NSF: variants seen among roughly 807,000 people sequenced by gnomAD.
The protein encoded by NSF is vesicle-fusing ATPase.
A neutral mutation model predicts 50.3 loss-of-function variants in NSF; 14 were observed. That is an observed-to-expected ratio of 0.28 (90% CI 0.18 to 0.44). NSF has a LOEUF of 0.44. NSF is among the 20% of genes least tolerant of loss of function. The probability of loss-of-function intolerance (pLI) is 1.00; values close to 1 mark genes in which losing one functional copy is unlikely to be tolerated. For synonymous variants in NSF, 109 were observed against 175.7 expected, an observed-to-expected ratio of 0.62 and a Z score of 3.00; for missense variants, 218 against 504.3, an observed-to-expected ratio of 0.43 and a Z score of 5.44.
intron 17 of NSF, among the ~76,000 whole-genome samples, chr17:46,730,075 G>A (rs776459007): frequency 4.6e-5 from 7 of 151,916 alleles, no homozygotes; most frequent in Non-Finnish European, 8.8e-5. Context: ...GTAAGTAAAC[G>A]TATATATCTA....
rs1245080076 is a variant in NSF, at chr17:46,713,843, C to T, written c.1628-10C>T. 1 of 1,607,894 alleles carries T rather than the reference C, an allele frequency of 6.2e-7. No homozygotes were observed. The highest frequency in any genetic ancestry group is 8.5e-7 in the Non-Finnish European group (1 of 1,178,528). On this transcript the variant is annotated splice_polypyrimidine_tract_variant and intron_variant, in intron 14 of 20. Transcript: ENST00000398238. Reference sequence around the variant, plus strand: ...CTTTTTTCCCCTGACTTGCTCATATCTTTATGCAGGCCCTCCTCACAGTGG... The same window carrying T: ...CTTTTTTCCCCTGACTTGCTCATATTTTTATGCAGGCCCTCCTCACAGTGG...
At chr17:46,710,775 G>GC (rs1327606031) in intron 13 of NSF, among the ~76,000 whole-genome samples, 188 bp from the exon 14 acceptor site, 1 of 152,016 alleles carries the variant, frequency 6.6e-6, no homozygotes, top group Non-Finnish European at 1.5e-5. Context: ...ACCCAAAGCA[G>GC]CTTTTTTTTT....
chr17:46,623,343 CTTTGGCTTGAGG>C (rs1242943685), intron 1 of NSF, among the ~76,000 whole-genome samples: 1 of 51,018 alleles, frequency 2.0e-5, no homozygotes, highest in Non-Finnish European at 3.1e-5. Context: ...AAAAAATCAG[CTTTGGCTTGAGG>C]TTTGAAGAAT....
intron 1 of NSF, among the ~76,000 whole-genome samples, chr17:46,601,418 TACCTTGGTGATTTGTGC>T (rs1568011135): frequency 1.5e-5 from 1 of 65,450 alleles, no homozygotes; most frequent in Non-Finnish European, 2.7e-5. Context: ...TTTTTTTTTT[TACCTTGGTGATTTGTGC>T]TTTTATGTGT....
At chr17:46,749,993 G>A in intron 18 of NSF, 86 bp downstream of exon 18, 4 of 1,427,792 alleles carry the variant, frequency 2.8e-6, no homozygotes, top group Non-Finnish European at 3.9e-6. Flanking sequence ...CCTGGTGTTT[G>A]GTTTTTATGC....
Position 46,597,788 on chromosome 17 carries a change from CTTTTTTTTTTTTT to C in NSF, c.12+7017_12+7029del, listed in dbSNP as rs1162187499. Among the ~76,000 whole-genome samples the C allele has an allele frequency of 2.3e-4, 10 of 44,220 alleles. 1 individual carries two copies. Among genetic ancestry groups the C allele is most frequent in the South Asian group, 1.2e-3 (1 of 828 alleles). 29.0% of individuals were successfully genotyped at this position (44,220 alleles called of 152,430 possible). A position where few individuals can be genotyped will look rare whatever the true frequency, so the allele number is the denominator to read the frequency against. On this transcript the variant is annotated intron_variant, in intron 1 of 20. Coordinates refer to ENST00000398238, the MANE Select transcript of NSF (RefSeq NM_006178.4). ...ATGTTTTTGTTGTTGTTGCAATACT[CTTTTTTTTTTTTT>C]TTTTTTTTTTTTTTTGAGACAGAGT...
chr17:46,598,769 C>T (rs1236879921), intron 1 of NSF, among the ~76,000 whole-genome samples: 1 of 151,870 alleles, frequency 6.6e-6, no homozygotes. Flanking sequence ...ACCAAACAAA[C>T]TTTCAGATGA....
At chr17:46,714,549 G>A (rs1278159054) in intron 15 of NSF, among the ~76,000 whole-genome samples, 1 of 152,196 alleles carries the variant, frequency 6.6e-6, no homozygotes, top group Non-Finnish European at 1.5e-5. Context: ...CATCAGTGAA[G>A]TTAGAACAGC....
chr17:46,730,313 T>G (rs1193430111), intron 17 of NSF, among the ~76,000 whole-genome samples: 1 of 152,146 alleles, frequency 6.6e-6, no homozygotes, highest in Non-Finnish European at 1.5e-5. Context: ...ATAGTTCTTC[T>G]TTTTTAGCTG....
At chr17:46,602,554 A>G (rs2057923675) in intron 1 of NSF, 1 of 51,408 alleles carries the variant, frequency 1.9e-5, no homozygotes, top group African/African-American at 8.8e-5. Context: ...TGCAAGATTC[A>G]TTTCTTTTTA....
chr17:46,736,026 C>G (rs956495805), intron 17 of NSF, among the ~76,000 whole-genome samples: 1 of 152,114 alleles, frequency 6.6e-6, no homozygotes, highest in Non-Finnish European at 1.5e-5. Context: ...ATAATAACTG[C>G]TATATAGAGG....
At chr17:46,678,570 T>G (rs2146208575) in intron 9 of NSF, among the ~76,000 whole-genome samples, 1 of 143,372 alleles carries the variant, frequency 7.0e-6, no homozygotes, top group East Asian at 2.1e-4. Flanking sequence ...AGAAAGAGGA[T>G]GAATCAAAAT....
At chr17:46,745,218 T>G (rs2059116235) in intron 17 of NSF, among the ~76,000 whole-genome samples, 1 of 152,224 alleles carries the variant, frequency 6.6e-6, no homozygotes, top group Non-Finnish European at 1.5e-5. Flanking sequence ...TCCCATGCAA[T>G]GTATCACTTT....
chr17:46,621,304 T>G lies in NSF; in HGVS notation c.13-2940T>G, dbSNP rs1188470201. ...CTTTGTTCTGGAATTTTTTTTTTTT[T>G]GAGATAGGGTCTCGCTCTGTTGCCC... On this transcript the variant is annotated intron_variant, in intron 1 of 20. Coordinates refer to ENST00000398238, the MANE Select transcript of NSF (RefSeq NM_006178.4). Among the ~76,000 whole-genome samples, 2 of 143,328 alleles carry G rather than the reference T, an allele frequency of 1.4e-5. 1 individual carries two copies. 94.0% of individuals were successfully genotyped at this position (143,328 alleles called of 152,430 possible).
intron 17 of NSF, among the ~76,000 whole-genome samples, chr17:46,747,036 A>C (rs2146332846): frequency 6.6e-6 from 1 of 152,302 alleles, no homozygotes; most frequent in East Asian, 1.9e-4. Flanking sequence ...TCTGGGAAAA[A>C]TGTACACATA....
intron 9 of NSF, among the ~76,000 whole-genome samples, chr17:46,687,361 T>C (rs1431544945): frequency 1.3e-5 from 2 of 150,846 alleles, no homozygotes; most frequent in Non-Finnish European, 3.0e-5. Flanking sequence ...AATAGATGTC[T>C]TGTTAACTCT....
At chr17:46,741,769 T>TG (rs1298962504) in intron 17 of NSF, among the ~76,000 whole-genome samples, 9 of 12,876 alleles carry the variant, frequency 7.0e-4, no homozygotes, top group Non-Finnish European at 1.4e-3. Context: ...TGGTTTTTGT[T>TG]TTTGTTGTTG....
chr17:46,626,045 A>C lies in NSF; in HGVS notation c.99-568A>C, dbSNP rs184810529. Among the ~76,000 whole-genome samples the C allele has an allele frequency of 4.9e-3, 725 of 148,228 alleles. 1 individual carries two copies. The highest frequency in any genetic ancestry group is 7.4e-3 in the Non-Finnish European group (505 of 67,848). ...TTTCTGAACAGGGAATTAGCACAAA[A>C]TTTTTTAAAACAGTAAATATTGATA... On this transcript the variant is annotated intron_variant, in intron 2 of 20. Coordinates refer to ENST00000398238, the MANE Select transcript of NSF (RefSeq NM_006178.4).
chr17:46,741,665 T>G (rs1405694888), intron 17 of NSF, among the ~76,000 whole-genome samples: 1 of 152,202 alleles, frequency 6.6e-6, no homozygotes, highest in African/African-American at 2.4e-5. Flanking sequence ...GCCCAATTCC[T>G]CTCCCTTCAC....
Sources: allele counts gnomAD v4.1 joint callset (sites outside exome capture counted in the v4.1 genomes callset), GRCh38; gene constraint gnomAD v4.1.1; transcripts MANE v1.5; gene names NCBI Gene and HGNC (gene_info 2026-07-23, HGNC 2026-07-21).